Variants in SLC9A4 observed in about 807,000 individuals in gnomAD.
SLC9A4 encodes solute carrier family 9 member A4.
Under a neutral mutation model 67.4 loss-of-function variants are expected in SLC9A4, and 63 were observed. That is an observed-to-expected ratio of 0.93 (90% CI 0.76 to 1.15). The LOEUF is 1.15. Ranked by LOEUF, SLC9A4 falls within the 50% of genes most tolerant of loss-of-function variation. SLC9A4 has a pLI of 0.00. For synonymous variants in SLC9A4, 393 were observed against 367.2 expected (o/e 1.07, Z -0.80); for missense variants, 1,089 against 987.7 (o/e 1.10, Z -1.38).
intron 2 of SLC9A4, among the ~76,000 whole-genome samples, chr2:102,496,686 C>G (rs1684816936): frequency 6.6e-6 from 1 of 152,120 alleles, no homozygotes; most frequent in African/African-American, 2.4e-5. Context: ...ATAAATCTGT[C>G]TATGGGCAGA....
intron 1 of SLC9A4, among the ~76,000 whole-genome samples, chr2:102,478,040 C>T (rs1684369785): frequency 6.6e-6 from 1 of 152,202 alleles, no homozygotes; most frequent in Non-Finnish European, 1.5e-5. Context: ...AACTAATACC[C>T]TTGGTTTACA....
intron 3 of SLC9A4, among the ~76,000 whole-genome samples, chr2:102,504,579 T>C (rs967282901): frequency 6.6e-6 from 1 of 152,254 alleles, no homozygotes; most frequent in African/African-American, 2.4e-5. Flanking sequence ...TTATATCTGA[T>C]GATGTTGTTT....
At chr2:102,499,696 A>G (rs1333195463) in intron 2 of SLC9A4, among the ~76,000 whole-genome samples, 2 of 152,186 alleles carry the variant, frequency 1.3e-5, no homozygotes, top group African/African-American at 4.8e-5. Flanking sequence ...ATACACTAGA[A>G]ACTTATCTTT....
At chr2:102,526,148 A>T (rs1674660673) in intron 10 of SLC9A4, 111 bp from the exon 11 acceptor site, 1 of 1,141,044 alleles carries the variant, frequency 8.8e-7, no homozygotes, top group African/African-American at 1.5e-5. Flanking sequence ...TCTGCCTCCC[A>T]AAGTGCTGGG....
chr2:102,487,413 AC>A (rs1684610692), intron 2 of SLC9A4, among the ~76,000 whole-genome samples: 3 of 152,152 alleles, frequency 2.0e-5, no homozygotes, highest in Admixed American at 2.0e-4. Context: ...CTAACCTTCC[AC>A]AACAGACAAC....
rs765314374 is a variant in SLC9A4, at chr2:102,505,490, CCA to C, written c.1198+20_1198+21del. 7 of 1,608,472 alleles carry C rather than the reference CCA, an allele frequency of 4.4e-6. No homozygotes were observed. The highest frequency in any genetic ancestry group is 5.9e-6 in the Non-Finnish European group (7 of 1,176,732). ...GCCATCAGTAAGAGACGGCAGGGCT[CCA>C]GAGTCTCCGGTCCTGCTGCATTTTC... On this transcript the variant is annotated intron_variant, in intron 4 of 11. Coordinates refer to ENST00000295269, the MANE Select transcript of SLC9A4 (RefSeq NM_001011552.4).
chr2:102,495,702 A>G (rs925361771), intron 2 of SLC9A4, among the ~76,000 whole-genome samples: 4 of 152,178 alleles, frequency 2.6e-5, no homozygotes, highest in Admixed American at 6.5e-5. Context: ...GAGTTTAGAA[A>G]TAGACTTACA....
In SLC9A4 at chr2:102,514,201, G is replaced by A. The variant is rs774050036; in HGVS notation, c.1671G>A (p.Glu557=). 1 of 1,614,132 alleles carries A rather than the reference G, an allele frequency of 6.2e-7. No individual in the cohort carries two copies. The highest frequency in any genetic ancestry group is 1.1e-5 in the South Asian group (1 of 91,084). The change falls in exon 8 of 12, where the codon GAG becomes GAA. Residue 557 remains glutamate, a synonymous_variant. Transcript: ENST00000295269. ...YKKLEMKQAI[E]MVETGILSST... ...AGCTGGAAATGAAGCAAGCCATCGA[G>A]ATGGTGGAGACTGGGATACTGAGCT...
intron 2 of SLC9A4, among the ~76,000 whole-genome samples, chr2:102,496,241 A>T (rs559041073): frequency 1.3e-5 from 2 of 152,350 alleles, no homozygotes; most frequent in South Asian, 4.1e-4. Context: ...ATAAAAGATG[A>T]TATACTCATG....
chr2:102,478,172 T>C (rs747156264), intron 1 of SLC9A4, among the ~76,000 whole-genome samples: 1 of 152,102 alleles, frequency 6.6e-6, no homozygotes, highest in Non-Finnish European at 1.5e-5. Flanking sequence ...AAGAAGACAA[T>C]GCAATCATTA....
chr2:102,528,584 A>G (rs1197610056), intron 11 of SLC9A4, among the ~76,000 whole-genome samples: 1 of 152,150 alleles, frequency 6.6e-6, no homozygotes, highest in African/African-American at 2.4e-5. Flanking sequence ...TTCTTAAGAG[A>G]TGAGCATCAA....
intron 8 of SLC9A4, among the ~76,000 whole-genome samples, chr2:102,517,189 G>A (rs1685291796): frequency 6.6e-6 from 1 of 152,122 alleles, no homozygotes; most frequent in South Asian, 2.1e-4. Flanking sequence ...GGTGACCTCT[G>A]TAAAAACATG....
chr2:102,506,727 G>A (rs1685057472), intron 4 of SLC9A4, among the ~76,000 whole-genome samples: 1 of 152,170 alleles, frequency 6.6e-6, no homozygotes, highest in Non-Finnish European at 1.5e-5. Context: ...CTAATGCCAA[G>A]AGAAGTAAAA....
intron 2 of SLC9A4, among the ~76,000 whole-genome samples, chr2:102,494,249 C>T (rs1223947210): frequency 1.3e-5 from 2 of 151,764 alleles, no homozygotes; most frequent in Non-Finnish European, 2.9e-5. Context: ...TATAAGGTTT[C>T]TTTATTTTAT....
At chr2:102,529,270 C>T (rs2104451569) in intron 11 of SLC9A4, among the ~76,000 whole-genome samples, 1 of 152,280 alleles carries the variant, frequency 6.6e-6, no homozygotes, top group Middle Eastern at 3.4e-3. Context: ...TTCTAAGTTT[C>T]ATCCAGGTGA....
Position 102,473,785 on chromosome 2 carries a change from A to C in SLC9A4, c.26A>C (p.Tyr9Ser). 1 of 1,614,042 alleles carries C rather than the reference A, an allele frequency of 6.2e-7. No individual in the cohort carries two copies. The highest frequency in any genetic ancestry group is 8.5e-7 in the Non-Finnish European group (1 of 1,179,922). MALQMFVT[Y>S]SPWNCLLLLV... is the part of the protein sequence containing the mutation. ...ATGGCTCTGCAGATGTTCGTGACTT[A>C]CAGTCCTTGGAATTGTTTGCTACTG... Residue 9 changes from tyrosine to serine, a missense_variant, in exon 1 of 12, where the codon TAC becomes TCC. Transcript: ENST00000295269.
At position 102,525,155 on chromosome 2, in the gene SLC9A4, G is replaced by A. The variant is rs761595839; in HGVS notation, c.1950G>A (p.Pro650=). The part of the protein sequence containing the change: ...RKGHSLPWGK[P]AGTKNIRYLS... ...GTCACAGCCTGCCCTGGGGAAAGCC[G>A]GTACATTGGGGCTGGGGACTGGGAC... is the stretch of plus-strand genomic sequence containing the variant. Residue 650 remains proline (P), a splice_region_variant and synonymous_variant, in exon 10 of 12, where the codon CCG becomes CCA. Coordinates refer to ENST00000295269, the MANE Select transcript of SLC9A4 (RefSeq NM_001011552.4). 32 of 1,613,652 alleles carry A rather than the reference G, an allele frequency of 2.0e-5. No homozygotes were observed. In the South Asian group the frequency reaches 2.1e-4, roughly 11 times the overall value.
At chr2:102,509,171 T>G (rs966820950) in intron 6 of SLC9A4, among the ~76,000 whole-genome samples, 3 of 152,236 alleles carry the variant, frequency 2.0e-5, no homozygotes, top group Admixed American at 2.0e-4. Context: ...GTTGCAGGGC[T>G]GCGCTCCTTT....
chr2:102,491,617 G>A (rs2104423324), intron 2 of SLC9A4, among the ~76,000 whole-genome samples: 1 of 152,126 alleles, frequency 6.6e-6, no homozygotes, highest in Non-Finnish European at 1.5e-5. Context: ...CTCCCACTGG[G>A]TCCCTCCCAT....
Sources: allele counts gnomAD v4.1 joint callset (sites outside exome capture counted in the v4.1 genomes callset), GRCh38; gene constraint gnomAD v4.1.1; transcripts MANE v1.5; gene names NCBI Gene and HGNC (gene_info 2026-07-23, HGNC 2026-07-21).